Variants in NPHS1 observed in about 807,000 individuals in gnomAD.
NPHS1 encodes NPHS1 adhesion molecule, nephrin.
Under a neutral mutation model 139.7 loss-of-function variants are expected in NPHS1, and 107 were observed. The ratio of observed to expected loss-of-function variants is 0.77; its 90% CI spans 0.66 to 0.90. The LOEUF is 0.90. Ranked by LOEUF, NPHS1 falls within the 40% of genes least tolerant of loss-of-function variation. NPHS1 has a pLI of 0.00. For synonymous variants in NPHS1, 707 were observed against 706.6 expected (o/e 1.00, Z -0.01); for missense variants, 1,580 against 1,654.2 (o/e 0.96, Z 0.78).
At chr19:35,829,932 G>A (rs906105262) in intron 28 of NPHS1, among the ~76,000 whole-genome samples, 3 of 152,044 alleles carry the variant, frequency 2.0e-5, no homozygotes, top group Non-Finnish European at 4.4e-5. Flanking sequence ...TCAGCCTGCT[G>A]AGATTAGAGA....
chr19:35,849,540 C>A lies in NPHS1; in HGVS notation c.712+10G>T. ...CCTCAGCGCCCTAGTTGGCCCAGTT[C>A]TCCACTTACACAGAACATTCACGGT... On this transcript the variant is annotated intron_variant, in intron 6 of 28. Transcript: ENST00000378910. 6.2e-7 allele frequency: 1 copy of A among 1,611,912 alleles called. No homozygotes were observed. The highest frequency in any genetic ancestry group is 8.5e-7 in the Non-Finnish European group (1 of 1,178,022).
chr19:35,851,231 C>A (rs1387213130), intron 3 of NPHS1, 31 bp downstream of exon 3: 5 of 1,613,698 alleles, frequency 3.1e-6, no homozygotes, highest in Non-Finnish European at 4.2e-6. Context: ...GAAGCCCAGA[C>A]TCATGGGTCC....
At chr19:35,850,343 G>A (rs1277083519) in intron 5 of NPHS1, 21 bp downstream of exon 5, 1 of 1,604,162 alleles carries the variant, frequency 6.2e-7, no homozygotes, top group South Asian at 1.1e-5. Flanking sequence ...CAAGGTTGGG[G>A]GGTTGTTTCA....
At chr19:35,839,214 C>T (rs761250907) in intron 22 of NPHS1, 23 bp downstream of exon 22, 1 of 1,613,158 alleles carries the variant, frequency 6.2e-7, no homozygotes, top group South Asian at 1.1e-5. Flanking sequence ...AATACTCCAA[C>T]CTGCCCAAGC....
At position 35,835,763 on chromosome 19, in the gene NPHS1, T is replaced by TG. The variant is rs1257680200; in HGVS notation, c.3110-3dup. On this transcript the variant is annotated splice_region_variant and splice_polypyrimidine_tract_variant and intron_variant, in intron 22 of 28. Transcript: ENST00000378910. ...GTTCTCCAGAAGGCTGGTGGAGACC[T>TG]GGGGGGTGGATATACAGATTGTGAC... The TG allele has an allele frequency of 1.9e-6, 3 of 1,613,216 alleles. No individual in the cohort carries two copies. The highest frequency in any genetic ancestry group is 1.7e-5 in the Admixed American group (1 of 59,940).
intron 23 of NPHS1, 146 bp downstream of exon 23, chr19:35,835,559 G>C (rs1028853051): frequency 6.5e-6 from 5 of 770,652 alleles, no homozygotes; most frequent in Non-Finnish European, 1.2e-5. Flanking sequence ...GCCTCCCAAA[G>C]TGTTGGGATT....
chr19:35,831,886 G>C, intron 23 of NPHS1, 124 bp from the exon 24 acceptor site: 1 of 1,043,012 alleles, frequency 9.6e-7, no homozygotes, highest in Non-Finnish European at 1.4e-6. Flanking sequence ...CAGATGGGCA[G>C]AGGTCTCTGT....
At position 35,830,901 on chromosome 19, in the gene NPHS1, T is replaced by A; in HGVS notation, c.3537A>T (p.Val1179=). 6.2e-7 allele frequency: 1 copy of A among 1,614,132 alleles called. No homozygotes were observed. Residue 1179 remains valine (V), a synonymous_variant, in exon 28 of 29, where the codon GTA becomes GTT. Transcript: ENST00000378910. ...MAFPGHLYDE[V]ERTYPPSGAW... Reference sequence around the variant, plus strand: ...CTCCAGACGGGGGGTACGTTCTTTCTACCTCATCATACAAGTGCCCAGGGA... The same window carrying A: ...CTCCAGACGGGGGGTACGTTCTTTCAACCTCATCATACAAGTGCCCAGGGA...
chr19:35,827,500 C>A (rs1202788576), intron 28 of NPHS1, among the ~76,000 whole-genome samples: 1 of 152,064 alleles, frequency 6.6e-6, no homozygotes, highest in Non-Finnish European at 1.5e-5. Flanking sequence ...CCAGTAGCAA[C>A]CCTTGGTCAA....
At position 35,852,086 on chromosome 19, in the gene NPHS1, CTTT is replaced by C. The variant is rs1210600220; in HGVS notation, c.-252_-250del. The stretch of plus-strand genomic sequence containing the variant: ...TTAAAAAAACTTTTTTTTCTTTTTT[CTTT>C]TTTTTTTCTTTTTTTTTTTTTTAGA... On this transcript the variant is annotated 5_prime_UTR_variant, in exon 1 of 29. Transcript: ENST00000378910. Among the ~76,000 whole-genome samples, 1 of 141,042 alleles carries C rather than the reference CTTT, an allele frequency of 7.1e-6. No individual in the cohort carries two copies. The highest frequency in any genetic ancestry group is 2.6e-5 in the African/African-American group (1 of 37,884). 92.5% of individuals were successfully genotyped at this position (141,042 alleles called of 152,430 possible).
chr19:35,846,137 C>T lies in NPHS1; in HGVS notation c.1498G>A (p.Gly500Ser). The change falls in exon 12 of 29, where the codon GGC becomes AGC. Residue 500 changes from glycine to serine, a missense_variant. Transcript: ENST00000378910. Reference sequence around the variant, plus strand: ...GTGCTCCCAGATTTCTCCACGCTGCCGAGATGCACGCGCCGCGACTCCTGC... The same window carrying T: ...GTGCTCCCAGATTTCTCCACGCTGCTGAGATGCACGCGCCGCGACTCCTGC... ...LPQESRRVHL[G>S]SVEKSGSTFS... is the part of the protein sequence containing the mutation. The T allele has an allele frequency of 1.3e-6, 2 of 1,597,888 alleles. No homozygotes were observed. The highest frequency in any genetic ancestry group is 1.7e-6 in the Non-Finnish European group (2 of 1,173,614).
intron 16 of NPHS1, 185 bp downstream of exon 16, chr19:35,843,918 A>C: frequency 1.2e-6 from 1 of 832,514 alleles, no homozygotes. Flanking sequence ...GAGATTCCAC[A>C]CTGGGTCTCT....
intron 3 of NPHS1, 28 bp downstream of exon 3, chr19:35,851,234 A>T: frequency 6.2e-7 from 1 of 1,613,562 alleles, no homozygotes; most frequent in Non-Finnish European, 8.5e-7. Context: ...GCCCAGACTC[A>T]TGGGTCCTGG....
chr19:35,839,637 G>C, intron 20 of NPHS1, 30 bp from the exon 21 acceptor site: 1 of 1,551,978 alleles, frequency 6.4e-7, no homozygotes, highest in Non-Finnish European at 8.9e-7. Flanking sequence ...AAAGCAGTCA[G>C]AGGATACAAA....
intron 23 of NPHS1, among the ~76,000 whole-genome samples, chr19:35,835,355 A>C: frequency 8.1e-6 from 1 of 123,046 alleles, no homozygotes; most frequent in Non-Finnish European, 1.6e-5. Flanking sequence ...GCTGGAGTGC[A>C]GTGGCTCAGT....
chr19:35,843,682 G>T, intron 16 of NPHS1, 89 bp from the exon 17 acceptor site: 1 of 1,550,252 alleles, frequency 6.5e-7, no homozygotes. Flanking sequence ...TGTCTTAGGG[G>T]TTCCAGGAAA....
In NPHS1 at chr19:35,851,777, C is replaced by A. The variant is rs1251375322; in HGVS notation, c.58+3G>T. 1.5e-5 allele frequency: 24 copies of A among 1,553,762 alleles called. No homozygotes were observed. The highest frequency in any genetic ancestry group is 2.0e-5 in the Non-Finnish European group (23 of 1,148,170). On this transcript the variant is annotated splice_donor_region_variant and intron_variant, in intron 1 of 28. Transcript: ENST00000378910. ...CTGGGTACAAGGCTGGGATCCCACT[C>A]ACCTTCAGTCAGCAGCCCCAGGAGC...
chr19:35,845,220 T>C lies in NPHS1; in HGVS notation c.1930+148A>G, dbSNP rs1458189230. On this transcript the variant is annotated intron_variant, in intron 14 of 28. Transcript: ENST00000378910. This position sits in a 1 kb window ranked among gnomAD's most constrained non-coding sequence, Gnocchi z 5.5. The stretch of plus-strand genomic sequence containing the variant: ...AGGAGTTGGAGACTGCAGTGACCTA[T>C]GATTGCGTCACTGCATTGCAGCCTG... The C allele has an allele frequency of 1.4e-5, 12 of 874,450 alleles. No homozygotes were observed. The highest frequency in any genetic ancestry group is 2.1e-5 in the Admixed American group (1 of 47,026). 54.2% of individuals were successfully genotyped at this position (874,450 alleles called of 1,614,324 possible).
At chr19:35,830,057 TTC>T (rs1259672382) in intron 28 of NPHS1, among the ~76,000 whole-genome samples, 2 of 152,186 alleles carry the variant, frequency 1.3e-5, no homozygotes, top group Admixed American at 6.5e-5. Context: ...GGCCCCCAAA[TTC>T]TCTCTTTCTC....
Sources: allele counts gnomAD v4.1 joint callset (sites outside exome capture counted in the v4.1 genomes callset), GRCh38; gene constraint gnomAD v4.1.1; non-coding constraint Gnocchi (gnomAD v3.1); transcripts MANE v1.5; gene names NCBI Gene and HGNC (gene_info 2026-07-23, HGNC 2026-07-21).